Variants in DCDC1 observed in about 807,000 individuals in gnomAD.
DCDC1 encodes doublecortin domain containing 1, also known as doublecortin domain-containing protein 1.
DCDC1 carries 200 observed loss-of-function variants against 178.3 expected under a neutral mutation model. That is an observed-to-expected ratio of 1.12 (90% CI 1.00 to 1.26). The LOEUF (loss-of-function observed/expected upper bound fraction) is 1.26. DCDC1 is among the 50% of genes most tolerant of loss of function. The pLI is 0.00. For synonymous variants in DCDC1, 690 were observed against 604.8 expected, an observed-to-expected ratio of 1.14 and a Z score of -2.07; for missense variants, 1,983 against 1,749.2, an observed-to-expected ratio of 1.13 and a Z score of -2.38.
At chr11:31,099,283 G>A (rs960743888) in intron 15 of DCDC1, among the ~76,000 whole-genome samples, 2 of 152,186 alleles carry the variant, frequency 1.3e-5, no homozygotes, top group Non-Finnish European at 2.9e-5. Context: ...TTGCCTTTGA[G>A]AAATTTCCAA....
chr11:31,194,951 C>G (rs1023238624), intron 9 of DCDC1, among the ~76,000 whole-genome samples: 2 of 151,988 alleles, frequency 1.3e-5, no homozygotes, highest in African/African-American at 4.8e-5. Context: ...AAAATCTCAC[C>G]CTGTGGCTTG....
chr11:31,191,628 G>A (rs1970141310), intron 9 of DCDC1, among the ~76,000 whole-genome samples: 1 of 151,984 alleles, frequency 6.6e-6, no homozygotes, highest in Non-Finnish European at 1.5e-5. Context: ...TGGGTGGTAG[G>A]GGGTGGGAAA....
In DCDC1 at chr11:30,893,698, T is replaced by C. The variant is rs549836514; in HGVS notation, c.4902+550A>G. ...AATCTTATTAAATAGGAACATATCA[T>C]TTTGATGAAAAACTTCACAAAGCAA... On this transcript the variant is annotated intron_variant, in intron 35 of 38. Transcript: ENST00000684477. Among the ~76,000 whole-genome samples the C allele has an allele frequency of 3.3e-5, 5 of 152,324 alleles. No individual in the cohort carries two copies. In the South Asian group the frequency reaches 1.0e-3, roughly 32 times the overall value.
intron 36 of DCDC1, among the ~76,000 whole-genome samples, chr11:30,888,140 A>G (rs889768242): frequency 4.8e-5 from 7 of 145,604 alleles, no homozygotes; most frequent in African/African-American, 1.8e-4. Context: ...GAAAGAAAGA[A>G]AGAAAGAAAG....
At chr11:31,057,567 T>C (rs1408895904) in intron 20 of DCDC1, among the ~76,000 whole-genome samples, 1 of 152,052 alleles carries the variant, frequency 6.6e-6, no homozygotes, top group Non-Finnish European at 1.5e-5. Context: ...TTTGTATCCT[T>C]AAATGTACAC....
intron 9 of DCDC1, among the ~76,000 whole-genome samples, chr11:31,229,861 A>T (rs1294820653): frequency 6.6e-6 from 1 of 152,206 alleles, no homozygotes; most frequent in Non-Finnish European, 1.5e-5. Context: ...GTAGAGATGG[A>T]TGAAAATAAA....
At chr11:31,132,551 T>C (rs532273577) in intron 10 of DCDC1, among the ~76,000 whole-genome samples, 1 of 152,134 alleles carries the variant, frequency 6.6e-6, no homozygotes, top group East Asian at 1.9e-4. Flanking sequence ...GCAATGTGAA[T>C]AGGGGTAAAA....
chr11:31,033,087 G>T (rs967336970), intron 20 of DCDC1, among the ~76,000 whole-genome samples: 12 of 152,160 alleles, frequency 7.9e-5, no homozygotes, highest in African/African-American at 2.9e-4. Flanking sequence ...CAGGGCACAA[G>T]TGGTAAATGA....
chr11:31,018,396 G>C (rs1397927838), intron 20 of DCDC1, among the ~76,000 whole-genome samples: 3 of 152,180 alleles, frequency 2.0e-5, no homozygotes, highest in Admixed American at 6.5e-5. Context: ...AAATAGAAAA[G>C]ATAAGACAAG....
chr11:31,158,363 C>T (rs543873700), intron 9 of DCDC1, among the ~76,000 whole-genome samples: 12 of 152,084 alleles, frequency 7.9e-5, no homozygotes, highest in East Asian at 1.9e-4. Context: ...GTGATCTGCC[C>T]GCCTCGGCCT....
In DCDC1 at chr11:30,915,775, T is replaced by C. The variant is rs1590348313; in HGVS notation, c.3453-64A>G. The C allele has an allele frequency of 3.3e-6, 5 of 1,512,694 alleles. No homozygotes were observed. The East Asian group carries it at 7.2e-5, about 22-fold the overall frequency. 93.7% of individuals were successfully genotyped at this position (1,512,694 alleles called of 1,614,324 possible). On this transcript the variant is annotated intron_variant, in intron 26 of 38. Coordinates refer to ENST00000684477, the MANE Select transcript of DCDC1 (RefSeq NM_001387274.1). ...CCCATGCACTTGATCATGCACTTGA[T>C]GTGCTGGAGATTATAAGTTCTGTTG...
intron 20 of DCDC1, among the ~76,000 whole-genome samples, chr11:31,039,440 C>T (rs1376996761): frequency 6.6e-6 from 1 of 152,148 alleles, no homozygotes; most frequent in Non-Finnish European, 1.5e-5. Context: ...CACTTACTAG[C>T]TCTTTGACCT....
chr11:31,122,581 G>C lies in DCDC1; in HGVS notation c.1485+4888C>G, dbSNP rs867739351. ...TACTTTTTATTGTAAATTCTACATA[G>C]CCAACTCACTCTCAAGAGTGGTTTC... is the stretch of plus-strand genomic sequence containing the variant. On this transcript the variant is annotated intron_variant, in intron 11 of 38. Coordinates refer to ENST00000684477, the MANE Select transcript of DCDC1 (RefSeq NM_001387274.1). 3.3e-5 allele frequency among the ~76,000 whole-genome samples: 5 copies of C among 152,072 alleles called. 1 individual carries two copies. The highest frequency in any genetic ancestry group is 1.2e-4 in the African/African-American group (5 of 41,498).
At chr11:31,157,563 T>C (rs1965861634) in intron 9 of DCDC1, among the ~76,000 whole-genome samples, 1 of 151,838 alleles carries the variant, frequency 6.6e-6, no homozygotes, top group Admixed American at 6.6e-5. Flanking sequence ...GAAGACATTA[T>C]GCCAAGTGAA....
intron 20 of DCDC1, among the ~76,000 whole-genome samples, chr11:30,978,862 C>G (rs2134769832): frequency 6.6e-6 from 1 of 150,844 alleles, no homozygotes; most frequent in South Asian, 2.1e-4. Flanking sequence ...TCATTCTACT[C>G]CCTACCTCCA....
intron 11 of DCDC1, among the ~76,000 whole-genome samples, chr11:31,125,790 G>C (rs868552734): frequency 2.4e-4 from 37 of 152,220 alleles, no homozygotes; most frequent in Admixed American, 7.9e-4. Flanking sequence ...GGTTGGGTGG[G>C]GGGTAGAGCA....
intron 20 of DCDC1, among the ~76,000 whole-genome samples, chr11:31,028,768 G>T (rs1286485445): frequency 2.6e-5 from 4 of 151,920 alleles, no homozygotes; most frequent in Non-Finnish European, 5.9e-5. Context: ...AGGAATTTTT[G>T]TACATCATTC....
intron 20 of DCDC1, among the ~76,000 whole-genome samples, chr11:31,035,188 ATCC>A: frequency 6.6e-6 from 1 of 152,298 alleles, no homozygotes; most frequent in South Asian, 2.1e-4. Flanking sequence ...GTTCCCATAT[ATCC>A]TTCACCCAGT....
At chr11:30,880,955 C>T (rs527822783) in intron 37 of DCDC1, among the ~76,000 whole-genome samples, 3 of 152,080 alleles carry the variant, frequency 2.0e-5, no homozygotes, top group South Asian at 2.1e-4. Flanking sequence ...AACTGAAATG[C>T]GATTGAATTC....
Sources: gnomAD v4.1 joint callset for allele counts (sites outside exome capture counted in the v4.1 genomes callset) on GRCh38, gnomAD v4.1.1 for gene constraint, MANE v1.5 for transcripts, NCBI Gene and HGNC (gene_info 2026-07-23, HGNC 2026-07-21) for gene names.